CHCHD3: variants seen among roughly 807,000 people sequenced by gnomAD.
CHCHD3 encodes the protein coiled-coil-helix-coiled-coil-helix domain containing 3.
CHCHD3 carries 20 observed loss-of-function variants against 38.2 expected under a neutral mutation model. The ratio of observed to expected loss-of-function variants is 0.52; its 90% CI spans 0.37 to 0.76. CHCHD3 has a LOEUF of 0.76. CHCHD3 is among the 30% of genes least tolerant of loss of function. The probability of loss-of-function intolerance (pLI) is 0.00; values close to 1 mark genes in which losing one functional copy is unlikely to be tolerated. For missense variants in CHCHD3, 245 were observed against 279.2 expected (o/e 0.88, Z 0.87); for synonymous variants, 82 against 100.0 (o/e 0.82, Z 1.07).
At chr7:132,864,406 A>G (rs988931638) in intron 5 of CHCHD3, among the ~76,000 whole-genome samples, 7 of 152,188 alleles carry the variant, frequency 4.6e-5, no homozygotes, top group Non-Finnish European at 7.3e-5. Context: ...TCCCAAAACA[A>G]TTACAATAGT....
intron 6 of CHCHD3, among the ~76,000 whole-genome samples, chr7:132,817,861 C>T (rs1470131990): frequency 6.7e-6 from 1 of 150,100 alleles, no homozygotes; most frequent in Admixed American, 6.7e-5. Context: ...CACTGTATTC[C>T]AGCCTGAGTG....
chr7:132,926,844 T>G (rs1246938651), intron 4 of CHCHD3, among the ~76,000 whole-genome samples: 1 of 152,152 alleles, frequency 6.6e-6, no homozygotes, highest in Non-Finnish European at 1.5e-5. Context: ...GTATTGTTGT[T>G]TTTTTTTCCA....
At chr7:132,796,696 T>C (rs1462852745) in intron 6 of CHCHD3, 119 bp from the exon 7 acceptor site, 1 of 892,610 alleles carries the variant, frequency 1.1e-6, no homozygotes, top group Admixed American at 2.8e-5. Flanking sequence ...GAAAAAGGTT[T>C]AAGAGAAAGA....
chr7:133,022,086 CA>C (rs566668172), intron 3 of CHCHD3, among the ~76,000 whole-genome samples: 4 of 146,986 alleles, frequency 2.7e-5, no homozygotes, highest in South Asian at 2.2e-4. Flanking sequence ...GACTCCATCT[CA>C]AAAAAAAACA....
chr7:132,971,067 AAACT>A (rs1466858376), intron 4 of CHCHD3, among the ~76,000 whole-genome samples: 1 of 152,226 alleles, frequency 6.6e-6, no homozygotes, highest in Non-Finnish European at 1.5e-5. Flanking sequence ...AAAGTCAAAA[AAACT>A]AACTCACTAC....
At chr7:132,807,771 AAG>A (rs1806969507) in intron 6 of CHCHD3, among the ~76,000 whole-genome samples, 1 of 151,508 alleles carries the variant, frequency 6.6e-6, no homozygotes, top group Non-Finnish European at 1.5e-5. Flanking sequence ...TAGGTGGCCA[AAG>A]AGTTATGAAG....
intron 4 of CHCHD3, among the ~76,000 whole-genome samples, chr7:132,974,604 G>A (rs987954693): frequency 4.6e-5 from 7 of 152,122 alleles, no homozygotes; most frequent in African/African-American, 9.7e-5. Context: ...GGCCGGGCTC[G>A]GTGGCTCACA....
intron 4 of CHCHD3, among the ~76,000 whole-genome samples, chr7:132,913,381 G>A (rs1383902243): frequency 2.6e-5 from 4 of 152,180 alleles, no homozygotes; most frequent in Admixed American, 6.5e-5. Flanking sequence ...TGCCTCTGGA[G>A]TCAGAAAAGG....
intron 6 of CHCHD3, among the ~76,000 whole-genome samples, chr7:132,800,900 G>A (rs1360672101): frequency 6.6e-6 from 1 of 152,106 alleles, no homozygotes; most frequent in Non-Finnish European, 1.5e-5. Flanking sequence ...CATCCTTCAT[G>A]GGATCAGGTG....
chr7:132,823,957 A>G (rs2117072636), intron 6 of CHCHD3, among the ~76,000 whole-genome samples: 1 of 152,304 alleles, frequency 6.6e-6, no homozygotes, highest in South Asian at 2.1e-4. Flanking sequence ...GCAACATCCT[A>G]TGAACCCAAT....
chr7:132,842,111 A>T (rs9649582), intron 5 of CHCHD3, among the ~76,000 whole-genome samples: 48,173 of 151,434 alleles, frequency 0.32, 7,806 homozygotes, highest in Middle Eastern at 0.37. Context: ...AAAAAAAAAA[A>T]TTTTTTTTAA....
chr7:132,943,841 G>A (rs577081527), intron 4 of CHCHD3, among the ~76,000 whole-genome samples: 14 of 152,176 alleles, frequency 9.2e-5, no homozygotes, highest in African/African-American at 3.1e-4. Flanking sequence ...TTCACTATCT[G>A]TCTCTTCATC....
intron 6 of CHCHD3, among the ~76,000 whole-genome samples, chr7:132,829,007 C>A (rs900505582): frequency 6.6e-6 from 1 of 152,190 alleles, no homozygotes; most frequent in African/African-American, 2.4e-5. Flanking sequence ...GTCAGTCAGA[C>A]AATTAACTCT....
intron 2 of CHCHD3, among the ~76,000 whole-genome samples, chr7:133,025,671 A>AT (rs1161334844): frequency 1.3e-5 from 2 of 152,034 alleles, no homozygotes; most frequent in Non-Finnish European, 2.9e-5. Flanking sequence ...CACCTAGCTA[A>AT]TTTTTTGTAT....
intron 5 of CHCHD3, among the ~76,000 whole-genome samples, chr7:132,883,661 T>A (rs1375631353): frequency 6.6e-6 from 1 of 152,224 alleles, no homozygotes; most frequent in East Asian, 1.9e-4. Context: ...GTTGGCTTTC[T>A]CTGATTCCAC....
chr7:132,820,818 C>T (rs1275537610), intron 6 of CHCHD3, among the ~76,000 whole-genome samples: 1 of 151,932 alleles, frequency 6.6e-6, no homozygotes, highest in Admixed American at 6.6e-5. Flanking sequence ...GTTCAGTATA[C>T]ACTACCAACC....
At chr7:132,838,499 C>G in intron 5 of CHCHD3, 30 bp from the exon 6 acceptor site, 2 of 1,509,318 alleles carry the variant, frequency 1.3e-6, no homozygotes, top group Non-Finnish European at 1.8e-6. Flanking sequence ...GCAAAGGTTT[C>G]ACTATCCAAG....
At chr7:132,935,320 A>G (rs528394772) in intron 4 of CHCHD3, among the ~76,000 whole-genome samples, 3 of 152,358 alleles carry the variant, frequency 2.0e-5, no homozygotes, top group African/African-American at 7.2e-5. Context: ...GATTTTTCAG[A>G]CTGGAGGTTG....
In CHCHD3 at chr7:132,785,061, T is replaced by C. The variant is rs189212547; in HGVS notation, c.*576A>G. On this transcript the variant is annotated 3_prime_UTR_variant, in exon 8 of 8. Coordinates refer to ENST00000262570, the MANE Select transcript of CHCHD3 (RefSeq NM_017812.4). ...TGTCTTCTTGCCTGTATAATCACCA[T>C]AATAAGTTATAATGAAATAGCTCTT... The C allele has an allele frequency of 1.3e-5, 2 of 152,714 alleles. No homozygotes were observed. Among genetic ancestry groups the C allele is most frequent in the African/African-American group, 2.4e-5 (1 of 41,416 alleles). The allele number at this position is 152,714 out of a possible 1,614,324, so 9.5% of individuals were successfully genotyped here. A position where few individuals can be genotyped will look rare whatever the true frequency, so the allele number is the denominator to read the frequency against.
Sources: allele counts gnomAD v4.1 joint callset (sites outside exome capture counted in the v4.1 genomes callset), GRCh38; gene constraint gnomAD v4.1.1; transcripts MANE v1.5; gene names NCBI Gene and HGNC (gene_info 2026-07-23, HGNC 2026-07-21).